ERBB4: variants seen among roughly 807,000 people sequenced by gnomAD.
The protein encoded by ERBB4 is receptor tyrosine-protein kinase erbB-4.
ERBB4 carries 42 observed loss-of-function variants against 158.0 expected under a neutral mutation model. The ratio of observed to expected loss-of-function variants is 0.27; its 90% CI spans 0.21 to 0.34. The LOEUF (loss-of-function observed/expected upper bound fraction) is 0.34. ERBB4 is among the 10% of genes least tolerant of loss of function. ERBB4 has a pLI of 1.00. For synonymous variants in ERBB4, 583 were observed against 558.7 expected, an observed-to-expected ratio of 1.04 and a Z score of -0.61; for missense variants, 1,333 against 1,624.1, an observed-to-expected ratio of 0.82 and a Z score of 3.08.
intron 2 of ERBB4, among the ~76,000 whole-genome samples, chr2:211,993,725 A>G (rs1302206729): frequency 1.3e-5 from 2 of 151,946 alleles, no homozygotes; most frequent in African/African-American, 4.8e-5. Flanking sequence ...TACAGGCAGA[A>G]TTATACTGGG....
chr2:212,356,889 A>G (rs894063292), intron 1 of ERBB4, among the ~76,000 whole-genome samples: 2 of 152,042 alleles, frequency 1.3e-5, no homozygotes, highest in East Asian at 3.9e-4. Context: ...ATACATAGAA[A>G]CACCATACTG....
At position 211,580,863 on chromosome 2, in the gene ERBB4, A is replaced by AGATT. The variant is rs1202766231; in HGVS notation, c.2302-18776_2302-18775insAATC. 2.5e-3 allele frequency among the ~76,000 whole-genome samples: 159 copies of AGATT among 62,680 alleles called. 18 individuals are homozygous for AGATT. The highest frequency in any genetic ancestry group is 5.3e-3 in the Admixed American group (25 of 4,704). 41.1% of individuals were successfully genotyped at this position (62,680 alleles called of 152,430 possible). ...TATATATTATATATATAGTATGCAT[A>AGATT]TACATATATATATATATATATATAT... On this transcript the variant is annotated intron_variant, in intron 19 of 27. Coordinates refer to ENST00000342788, the MANE Select transcript of ERBB4 (RefSeq NM_005235.3).
In ERBB4 at chr2:211,978,708, T is replaced by C. The variant is rs79109762; in HGVS notation, c.235-31092A>G. Among the ~76,000 whole-genome samples the C allele has an allele frequency of 1.2e-3, 183 of 152,306 alleles. 1 individual carries two copies. The highest frequency in any genetic ancestry group is 0.01 in the Middle Eastern group (3 of 294). ...TTTAGTGTTGAACTGTTAAAGCACT[T>C]ACTGTTGTTTGTCCTAAGTACCATA... On this transcript the variant is annotated intron_variant, in intron 2 of 27. Coordinates refer to ENST00000342788, the MANE Select transcript of ERBB4 (RefSeq NM_005235.3).
At chr2:211,923,939 C>T (rs2079946020) in intron 3 of ERBB4, among the ~76,000 whole-genome samples, 1 of 152,148 alleles carries the variant, frequency 6.6e-6, no homozygotes, top group Non-Finnish European at 1.5e-5. Flanking sequence ...TCAGGCTGGT[C>T]TCGAACTCCT....
chr2:211,838,358 C>T (rs1024344075), intron 3 of ERBB4, among the ~76,000 whole-genome samples: 2 of 152,032 alleles, frequency 1.3e-5, no homozygotes, highest in African/African-American at 2.4e-5. Flanking sequence ...CAGTCATCCC[C>T]TCAGTGTTTA....
intron 1 of ERBB4, among the ~76,000 whole-genome samples, chr2:212,195,925 T>C (rs541319877): frequency 8.5e-5 from 13 of 152,238 alleles, no homozygotes; most frequent in Non-Finnish European, 1.8e-4. Context: ...ATGGAAAATT[T>C]TCTTTTTAAT....
At chr2:211,767,684 A>G (rs949365510) in intron 4 of ERBB4, among the ~76,000 whole-genome samples, 9 of 152,182 alleles carry the variant, frequency 5.9e-5, no homozygotes, top group Non-Finnish European at 1.3e-4. Flanking sequence ...TTATAAAACC[A>G]TCAGATCTTG....
chr2:211,686,420 T>A (rs1276541690), intron 12 of ERBB4, among the ~76,000 whole-genome samples: 1 of 152,260 alleles, frequency 6.6e-6, no homozygotes, highest in Non-Finnish European at 1.5e-5. Context: ...TCAAATATTG[T>A]GCCAATCGTA....
intron 1 of ERBB4, among the ~76,000 whole-genome samples, chr2:212,245,592 A>G (rs1383910759): frequency 6.6e-6 from 1 of 152,052 alleles, no homozygotes; most frequent in Non-Finnish European, 1.5e-5. Context: ...ATTCTACTGT[A>G]AAAGGTGAAA....
intron 3 of ERBB4, among the ~76,000 whole-genome samples, chr2:211,909,412 G>A (rs1476025099): frequency 6.6e-6 from 1 of 151,620 alleles, no homozygotes. Flanking sequence ...TGTGAACATC[G>A]TAAAGTACAC....
At position 212,303,503 on chromosome 2, in the gene ERBB4, T is replaced by C. The variant is rs111851334; in HGVS notation, c.83-178600A>G. Among the ~76,000 whole-genome samples the C allele has an allele frequency of 5.2e-3, 793 of 151,576 alleles. 4 individuals are homozygous for C. Among genetic ancestry groups the C allele is most frequent in the Middle Eastern group, 0.017 (5 of 294 alleles). The stretch of plus-strand genomic sequence containing the variant: ...ACAGACTCTATTTATCTAGCACGTG[T>C]TTAATACTGCTTAAGCCCTGAAAGT... On this transcript the variant is annotated intron_variant, in intron 1 of 27. Coordinates refer to ENST00000342788, the MANE Select transcript of ERBB4 (RefSeq NM_005235.3).
chr2:211,632,951 T>G (rs2070201247), intron 16 of ERBB4, among the ~76,000 whole-genome samples: 1 of 152,150 alleles, frequency 6.6e-6, no homozygotes, highest in Non-Finnish European at 1.5e-5. Flanking sequence ...CATATATAAG[T>G]GTTTTATTGA....
intron 19 of ERBB4, among the ~76,000 whole-genome samples, chr2:211,575,007 A>G (rs2067847878): frequency 6.6e-6 from 1 of 152,204 alleles, no homozygotes; most frequent in South Asian, 2.1e-4. Context: ...TATAAAATAT[A>G]TTATGTTAAT....
rs199885968 is a variant in ERBB4, at chr2:211,409,083, C to CATCT, written c.3135+11354_3135+11357dup. On this transcript the variant is annotated intron_variant, in intron 25 of 27. Coordinates refer to ENST00000342788, the MANE Select transcript of ERBB4 (RefSeq NM_005235.3). ...AAGTAGAAGTCTGTACCATCTCTTC[C>CATCT]ATCTTTTAATGAACTCCATTTGAAT... Among the ~76,000 whole-genome samples the CATCT allele has an allele frequency of 1.1e-3, 168 of 152,158 alleles. 5 individuals are homozygous for CATCT. In the East Asian group the frequency reaches 0.025, roughly 22 times the overall value.
At chr2:211,490,261 C>T (rs1006069593) in intron 20 of ERBB4, among the ~76,000 whole-genome samples, 13 of 151,788 alleles carry the variant, frequency 8.6e-5, no homozygotes, top group Admixed American at 3.3e-4. Flanking sequence ...ATGTATTATA[C>T]GTCTATTCAT....
intron 20 of ERBB4, among the ~76,000 whole-genome samples, chr2:211,441,471 C>T (rs1339635612): frequency 6.6e-6 from 1 of 152,146 alleles, no homozygotes; most frequent in African/African-American, 2.4e-5. Context: ...CTGTAGCTCC[C>T]TGCCTCTAAG....
At chr2:212,303,919 A>C (rs1425795394) in intron 1 of ERBB4, among the ~76,000 whole-genome samples, 1 of 151,602 alleles carries the variant, frequency 6.6e-6, no homozygotes, top group Non-Finnish European at 1.5e-5. Flanking sequence ...CAATGGAAAC[A>C]GGGGAAAACC....
At chr2:211,997,610 A>T (rs548621746) in intron 2 of ERBB4, among the ~76,000 whole-genome samples, 3 of 151,958 alleles carry the variant, frequency 2.0e-5, no homozygotes, top group Admixed American at 1.3e-4. Flanking sequence ...TCCCAATCTC[A>T]GTCTCTCACA....
chr2:212,033,541 T>C (rs1461791885), intron 2 of ERBB4, among the ~76,000 whole-genome samples: 2 of 151,864 alleles, frequency 1.3e-5, no homozygotes, highest in East Asian at 1.9e-4. Context: ...TATGTAACCT[T>C]CATAATATGG....
Sources: gnomAD v4.1 joint callset for allele counts (sites outside exome capture counted in the v4.1 genomes callset) on GRCh38, gnomAD v4.1.1 for gene constraint, MANE v1.5 for transcripts, NCBI Gene and HGNC (gene_info 2026-07-23, HGNC 2026-07-21) for gene names.